The following CEP192 variants were observed in gnomAD, a reference collection of about 807,000 sequenced individuals.
CEP192 encodes centrosomal protein 192.
Under a neutral mutation model 271.8 loss-of-function variants are expected in CEP192, and 151 were observed. The observed-to-expected ratio is 0.56, with a 90% CI of 0.49 to 0.64. The LOEUF (loss-of-function observed/expected upper bound fraction) is 0.64, where lower values mean the gene tolerates loss of function less well. Among genes scored for constraint, CEP192 ranks in the 30% least tolerant of loss-of-function variants. The pLI is 0.00. For synonymous variants in CEP192, 995 were observed against 1,076.5 expected (o/e 0.92, Z 1.48); for missense variants, 2,910 against 3,020.5 (o/e 0.96, Z 0.86).
chr18:13,047,939 T>TA (rs754179357), intron 15 of CEP192, among the ~76,000 whole-genome samples: 6 of 152,234 alleles, frequency 3.9e-5, no homozygotes, highest in African/African-American at 7.2e-5. Flanking sequence ...TGATGATTTT[T>TA]AAAAAACAAA....
chr18:13,009,758 G>A (rs902728724), intron 4 of CEP192, among the ~76,000 whole-genome samples: 2 of 152,140 alleles, frequency 1.3e-5, no homozygotes, highest in Non-Finnish European at 2.9e-5. Context: ...GCTTGAACCC[G>A]GGAGGCGGAG....
intron 30 of CEP192, among the ~76,000 whole-genome samples, chr18:13,083,269 G>C (rs1412389299): frequency 2.5e-4 from 38 of 152,212 alleles, no homozygotes; most frequent in Admixed American, 2.3e-3. Flanking sequence ...ATCAGATGTA[G>C]ATTTGATGTT....
At position 13,106,996 on chromosome 18, in the gene CEP192, T is replaced by A. The variant is rs76870948; in HGVS notation, c.7047+1917T>A. Among the ~76,000 whole-genome samples the A allele has an allele frequency of 1.5e-3, 226 of 152,352 alleles. 1 individual carries two copies. The highest frequency in any genetic ancestry group is 0.014 in the East Asian group (74 of 5,192). On this transcript the variant is annotated intron_variant, in intron 40 of 44. Coordinates refer to ENST00000506447, the MANE Select transcript of CEP192 (RefSeq NM_032142.4). ...AATACACCAGCAAGACACAAGAAAC[T>A]GTAATACTACTCCGATTAACAGTAA...
chr18:13,062,851 C>T (rs1234736070), intron 21 of CEP192, among the ~76,000 whole-genome samples: 1 of 152,152 alleles, frequency 6.6e-6, no homozygotes. Flanking sequence ...GTTTAGTACC[C>T]ATTAACCATC....
rs181104605 is a variant in CEP192 at position 13,060,470 on chromosome 18, C to T, written c.4488+1158C>T. Among the ~76,000 whole-genome samples the T allele has an allele frequency of 5.9e-5, 9 of 152,268 alleles. No homozygotes were observed. The East Asian group carries it at 1.3e-3, about 23-fold the overall frequency. On this transcript the variant is annotated intron_variant, in intron 21 of 44. Coordinates refer to ENST00000506447, the MANE Select transcript of CEP192 (RefSeq NM_032142.4). ...TTATAAACACTGTACATTTAGGCTA[C>T]ACCAAATTCATAAAAGAAATTATAC...
intron 42 of CEP192, among the ~76,000 whole-genome samples, chr18:13,116,066 G>A (rs554614825): frequency 9.9e-5 from 15 of 152,116 alleles, no homozygotes; most frequent in African/African-American, 1.2e-4. Flanking sequence ...AAGTACAGTC[G>A]GTACTGCAGC....
At chr18:13,046,829 CTTTTT>C (rs574030180) in intron 15 of CEP192, among the ~76,000 whole-genome samples, 2 of 122,366 alleles carry the variant, frequency 1.6e-5, no homozygotes, top group African/African-American at 3.0e-5. Context: ...AATATCCTTA[CTTTTT>C]TTTTTTTTTT....
At position 13,095,663 on chromosome 18, in the gene CEP192, C is replaced by G. The variant is rs754250068; in HGVS notation, c.6415C>G (p.Leu2139Val). 4.3e-6 allele frequency: 7 copies of G among 1,612,858 alleles called. No homozygotes were observed. Among genetic ancestry groups the G allele is most frequent in the Non-Finnish European group, 5.9e-6 (7 of 1,179,658 alleles). Residue 2139 changes from leucine to valine, a missense_variant, in exon 35 of 45, where the codon CTG becomes GTG. Transcript: ENST00000506447. ...GACTGTCCTACCCGAGCACTTGATT[C>G]TGGTAGCTCCTTCTCCTTGTGAGTA... ...PWTVLPEHLILVAPSPCDMAK... is the reference protein window; with the variant it reads ...PWTVLPEHLIVVAPSPCDMAK...
intron 9 of CEP192, 112 bp from the exon 10 acceptor site, chr18:13,029,551 A>G (rs1366578020): frequency 3.0e-6 from 2 of 676,774 alleles, no homozygotes; most frequent in East Asian, 2.7e-5. Flanking sequence ...CTTCTTTCAT[A>G]TAATAAACAT....
intron 6 of CEP192, among the ~76,000 whole-genome samples, chr18:13,016,015 G>A (rs1019108684): frequency 6.6e-6 from 1 of 152,124 alleles, no homozygotes; most frequent in Non-Finnish European, 1.5e-5. Context: ...CAAAGTGTTG[G>A]GATTACAGGC....
chr18:13,015,476 G>A (rs773886947), intron 6 of CEP192, 28 bp downstream of exon 6: 3 of 1,546,462 alleles, frequency 1.9e-6, no homozygotes, highest in Admixed American at 2.0e-5. Context: ...GTGTTTCCCT[G>A]GTCTTCACCT....
At chr18:13,060,879 A>G (rs2037372908) in intron 21 of CEP192, among the ~76,000 whole-genome samples, 1 of 152,084 alleles carries the variant, frequency 6.6e-6, no homozygotes, top group African/African-American at 2.4e-5. Flanking sequence ...AACTATGATC[A>G]CATCACTACA....
chr18:13,059,308 T>C lies in CEP192; in HGVS notation c.4484T>C (p.Ile1495Thr). 6.2e-7 allele frequency: 1 copy of C among 1,610,986 alleles called. No homozygotes were observed. Among genetic ancestry groups the C allele is most frequent in the South Asian group, 1.1e-5 (1 of 91,014 alleles). Residue 1495 changes from isoleucine (I) to threonine (T), a missense_variant, in exon 21 of 45, where the codon ATT becomes ACT. Physicochemically the swap from Ile to Thr is moderately conservative, Grantham distance 89 (BLOSUM62 -1). Transcript: ENST00000506447. ...ACTGCCATTGCCGAGAGTCCTGTTA[T>C]TGAGGTACCTGTTTGAAAATGAATC... is the stretch of plus-strand genomic sequence containing the variant. ...TLTAIAESPVIEVETEKKDVL... is the reference protein window; with the variant it reads ...TLTAIAESPVTEVETEKKDVL...
chr18:13,020,605 G>T (rs2034935005), intron 9 of CEP192, among the ~76,000 whole-genome samples: 1 of 152,128 alleles, frequency 6.6e-6, no homozygotes, highest in Admixed American at 6.5e-5. Context: ...GAGTGAAATT[G>T]TTGGGTCATA....
chr18:13,093,896 C>T (rs1025726780), intron 34 of CEP192, among the ~76,000 whole-genome samples: 6 of 152,126 alleles, frequency 3.9e-5, no homozygotes, highest in East Asian at 1.9e-4. Flanking sequence ...GCAAGATCAC[C>T]GGGAGATTTC....
intron 26 of CEP192, 68 bp downstream of exon 26, chr18:13,069,249 C>A: frequency 7.5e-7 from 1 of 1,328,714 alleles, no homozygotes; most frequent in Non-Finnish European, 1.1e-6. Context: ...TTGCTTTCTG[C>A]AGGCTGTTGT....
intron 34 of CEP192, among the ~76,000 whole-genome samples, chr18:13,094,972 C>T (rs1354188581): frequency 1.3e-5 from 2 of 152,212 alleles, no homozygotes; most frequent in African/African-American, 2.4e-5. Flanking sequence ...GTGCTGCTGA[C>T]GCAGACTGGC....
rs1294944326 is a variant in CEP192, at chr18:13,056,498, C to T, written c.3908C>T (p.Pro1303Leu). 4.3e-6 allele frequency: 7 copies of T among 1,614,216 alleles called. No individual in the cohort carries two copies. Among genetic ancestry groups the T allele is most frequent in the Admixed American group, 1.7e-5 (1 of 60,032 alleles). ...GLPYPAVAGE[P>L]VQNSVAVGIC... is the part of the protein sequence containing the mutation. ...CCCTATCCAGCTGTTGCAGGAGAGC[C>T]TGTGCAGAACTCTGTGGCTGTGGGA... Residue 1303 changes from proline (P) to leucine (L), a missense_variant, in exon 19 of 45, where the codon CCT becomes CTT. Transcript: ENST00000506447.
chr18:13,100,863 A>G (rs1351114840), intron 38 of CEP192, among the ~76,000 whole-genome samples: 1 of 152,212 alleles, frequency 6.6e-6, no homozygotes, highest in African/African-American at 2.4e-5. Flanking sequence ...CTCACGTGAC[A>G]TTGAGGCTCC....
Sources: allele counts gnomAD v4.1 joint callset (sites outside exome capture counted in the v4.1 genomes callset), GRCh38; gene constraint gnomAD v4.1.1; transcripts MANE v1.5; gene names NCBI Gene and HGNC (gene_info 2026-07-23, HGNC 2026-07-21).